Variants in KRTDAP observed in about 807,000 individuals in gnomAD.
The protein encoded by KRTDAP is keratinocyte differentiation associated protein.
A neutral mutation model predicts 18.6 loss-of-function variants in KRTDAP; 14 were observed. The observed-to-expected ratio is 0.75, with a 90% confidence interval of 0.50 to 1.18. The LOEUF (loss-of-function observed/expected upper bound fraction) is 1.18. KRTDAP is among the 50% of genes most tolerant of loss of function. The pLI is 0.00. For synonymous variants in KRTDAP, 53 were observed against 49.5 expected (o/e 1.07, Z -0.29); for missense variants, 114 against 121.3 (o/e 0.94, Z 0.28).
At chr19:35,488,200 T>C (rs2067502445) in intron 4 of KRTDAP, among the ~76,000 whole-genome samples, 1 of 152,224 alleles carries the variant, frequency 6.6e-6, no homozygotes, top group African/African-American at 2.4e-5. Context: ...CCTCTTCCTC[T>C]TCTGCAATTG....
intron 1 of KRTDAP, 62 bp downstream of exon 1, chr19:35,490,294 A>C: frequency 3.0e-6 from 3 of 994,762 alleles, no homozygotes; most frequent in Non-Finnish European, 4.6e-6. Context: ...GACAGGAGGT[A>C]GAGAGATGGA....
At position 35,488,487 on chromosome 19, in the gene KRTDAP, T is replaced by C; in HGVS notation, c.169-2A>G. 6.2e-7 allele frequency: 1 copy of C among 1,613,666 alleles called. No homozygotes were observed. The highest frequency in any genetic ancestry group is 8.5e-7 in the Non-Finnish European group (1 of 1,179,842). The stretch of plus-strand genomic sequence containing the variant: ...CAGGAACTCATCAGCCTTAAACGCC[T>C]GAGGAGGAAGAGAGACAGCAGAAGC... On this transcript the variant is annotated splice_acceptor_variant, in intron 3 of 5. Transcript: ENST00000338897. LOFTEE classifies it high-confidence loss of function.
At position 35,487,704 on chromosome 19, in the gene KRTDAP, C is replaced by A. The variant is rs201463835; in HGVS notation, c.261+8G>T. 510 of 1,610,378 alleles carry A rather than the reference C, an allele frequency of 3.2e-4. 2 individuals are homozygous for A. In the African/African-American group the frequency reaches 5.6e-3, roughly 18 times the overall value. On this transcript the variant is annotated splice_region_variant and intron_variant, in intron 5 of 5. Coordinates refer to ENST00000338897, the MANE Select transcript of KRTDAP (RefSeq NM_207392.3). ...GCTCCATACCCTCCTAATGCCCACACCTCTTACCTTAGGAAAGGCATCCCA... is the reference window on the plus strand; with the variant it reads ...GCTCCATACCCTCCTAATGCCCACAACTCTTACCTTAGGAAAGGCATCCCA...
intron 1 of KRTDAP, 133 bp downstream of exon 1, chr19:35,490,221 CAG>C: frequency 1.8e-6 from 1 of 557,384 alleles, no homozygotes; most frequent in South Asian, 2.9e-5. Flanking sequence ...CTCCCTTCCT[CAG>C]AGCCCCAGTT....
chr19:35,487,483 C>A lies in KRTDAP; in HGVS notation c.262-17G>T. The A allele has an allele frequency of 6.2e-7, 1 of 1,613,230 alleles. No homozygotes were observed. Among genetic ancestry groups the A allele is most frequent in the South Asian group, 1.1e-5 (1 of 91,026 alleles). On this transcript the variant is annotated splice_polypyrimidine_tract_variant and intron_variant, in intron 5 of 5. Transcript: ENST00000338897. ...TCCTTTCAGCTAGAGGGAGAGGGGT[C>A]AGGGTTAGATGGGGAACCCGTGGGT...
At position 35,489,782 on chromosome 19, in the gene KRTDAP, C is replaced by T. The variant is rs541724558; in HGVS notation, c.87+574G>A. 6.6e-5 allele frequency among the ~76,000 whole-genome samples: 10 copies of T among 152,244 alleles called. 1 individual carries two copies. The South Asian group carries it at 1.7e-3, about 25-fold the overall frequency. On this transcript the variant is annotated intron_variant, in intron 1 of 5. Coordinates refer to ENST00000338897, the MANE Select transcript of KRTDAP (RefSeq NM_207392.3). ...GCTCCAGAGACAGCAGGGAGCCACC[C>T]GTCACCTGGGCACCACTCCCAGGGG...
At chr19:35,489,506 G>A (rs896706096) in intron 1 of KRTDAP, among the ~76,000 whole-genome samples, 41 of 152,134 alleles carry the variant, frequency 2.7e-4, no homozygotes, top group African/African-American at 9.4e-4. Context: ...AGTTTCCCCT[G>A]AAAAATGTAA....
Position 35,487,425 on chromosome 19 carries a change from T to C in KRTDAP, c.*3A>G, listed in dbSNP as rs373193610. 9 of 1,613,710 alleles carry C rather than the reference T, an allele frequency of 5.6e-6. No individual in the cohort carries two copies. In the African/African-American group the frequency reaches 6.7e-5, roughly 12 times the overall value. On this transcript the variant is annotated 3_prime_UTR_variant, in exon 6 of 6. Transcript: ENST00000338897. ...TAGCCCCCTCTTCCAGTGGAGGTCA[T>C]GGTCACTGGGCATCAGGAGTTGCGC...
chr19:35,489,512 T>C (rs2067510864), intron 1 of KRTDAP, among the ~76,000 whole-genome samples: 1 of 152,120 alleles, frequency 6.6e-6, no homozygotes. Flanking sequence ...CCCTGAAAAA[T>C]GTAAAACTCT....
At chr19:35,489,229 A>G (rs1407713171) in intron 1 of KRTDAP, among the ~76,000 whole-genome samples, 1 of 152,108 alleles carries the variant, frequency 6.6e-6, no homozygotes, top group African/African-American at 2.4e-5. Context: ...CCAGCTGCTG[A>G]GGTGACCCGC....
At position 35,487,625 on chromosome 19, in the gene KRTDAP, T is replaced by G. The variant is rs2067498358; in HGVS notation, c.261+87A>C. 3 of 1,277,960 alleles carry G rather than the reference T, an allele frequency of 2.3e-6. No homozygotes were observed. The South Asian group carries it at 3.7e-5, about 16-fold the overall frequency. The allele number at this position is 1,277,960 out of a possible 1,614,324, so 79.2% of individuals were successfully genotyped here. ...AGTTTGGTGAGAAGGCTGATCCTCC[T>G]TTCCCTGTCCCCACTCTCTCTCCCA... On this transcript the variant is annotated intron_variant, in intron 5 of 5. Coordinates refer to ENST00000338897, the MANE Select transcript of KRTDAP (RefSeq NM_207392.3).
intron 4 of KRTDAP, 58 bp from the exon 5 acceptor site, chr19:35,487,817 G>A: frequency 9.1e-7 from 1 of 1,104,562 alleles, no homozygotes; most frequent in Non-Finnish European, 1.4e-6. Context: ...GCATGGATGG[G>A]TAAGCATTCC....
chr19:35,487,780 G>T (rs757393685), intron 4 of KRTDAP, 21 bp from the exon 5 acceptor site: 1 of 1,598,520 alleles, frequency 6.3e-7, no homozygotes, highest in Admixed American at 1.7e-5. Flanking sequence ...GAAAGAGAAA[G>T]AGAGTGATGT....
intron 1 of KRTDAP, 33 bp downstream of exon 1, chr19:35,490,323 G>A (rs371088390): frequency 1.8e-5 from 26 of 1,414,942 alleles, no homozygotes; most frequent in African/African-American, 1.6e-4. Context: ...TGGGTAACAC[G>A]TATAAGAATA....
intron 1 of KRTDAP, among the ~76,000 whole-genome samples, chr19:35,489,875 G>C (rs1302210381): frequency 6.6e-6 from 1 of 152,162 alleles, no homozygotes; most frequent in Non-Finnish European, 1.5e-5. Context: ...TCCTCTTTGA[G>C]TTAAGTCAGC....
Position 35,490,141 on chromosome 19 carries a change from C to T in KRTDAP, c.87+215G>A, listed in dbSNP as rs546289473. Among the ~76,000 whole-genome samples, 7 of 152,300 alleles carry T rather than the reference C, an allele frequency of 4.6e-5. No individual in the cohort carries two copies. The East Asian group carries it at 9.7e-4, about 21-fold the overall frequency. On this transcript the variant is annotated intron_variant, in intron 1 of 5. Transcript: ENST00000338897. ...TCAGTACACGAGCCTCCCCAACACA[C>T]TTCACCATCCCTTCCAGAAAGAGGA...
chr19:35,489,833 G>A (rs1008458845), intron 1 of KRTDAP, among the ~76,000 whole-genome samples: 1 of 152,146 alleles, frequency 6.6e-6, no homozygotes, highest in Non-Finnish European at 1.5e-5. Flanking sequence ...GAGGAGCTAA[G>A]CAGGGGTGTC....
In KRTDAP at chr19:35,487,398, G is replaced by A. The variant is rs771300002; in HGVS notation, c.*30C>T. 1.6e-5 allele frequency: 26 copies of A among 1,609,644 alleles called. No individual in the cohort carries two copies. In the Admixed American group the frequency reaches 2.2e-4, roughly 13 times the overall value. ...TGGTAGGTTGAGAATCAGCGCTCACGCTAGCCCCCTCTTCCAGTGGAGGTC... is the reference window on the plus strand; with the variant it reads ...TGGTAGGTTGAGAATCAGCGCTCACACTAGCCCCCTCTTCCAGTGGAGGTC... On this transcript the variant is annotated 3_prime_UTR_variant, in exon 6 of 6. Coordinates refer to ENST00000338897, the MANE Select transcript of KRTDAP (RefSeq NM_207392.3).
chr19:35,488,685 G>C lies in KRTDAP; in HGVS notation c.145C>G (p.Leu49Val), dbSNP rs768464698. ...ACAGATCGCAATTTGTCGATGTTCA[G>C]GAACGGGGTGTTAAAGGCCTAGGCA... ...SRPEAFNTPF[L>V]NIDKLRSAFK... is the part of the protein sequence containing the mutation. The change falls in exon 3 of 6, where the codon CTG becomes GTG. Residue 49 changes from leucine to valine, a missense_variant. Physicochemically the swap from Leu to Val is conservative, Grantham distance 32 (BLOSUM62 1). Transcript: ENST00000338897. 2.5e-6 allele frequency: 4 copies of C among 1,614,208 alleles called. No individual in the cohort carries two copies. In the East Asian group the frequency reaches 8.9e-5, roughly 36 times the overall value.
Sources: gnomAD v4.1 joint callset for allele counts (sites outside exome capture counted in the v4.1 genomes callset) on GRCh38, gnomAD v4.1.1 for gene constraint, MANE v1.5 for transcripts, NCBI Gene and HGNC (gene_info 2026-07-23, HGNC 2026-07-21) for gene names.